The following CACNA2D1 variants were observed in gnomAD, a reference collection of about 807,000 sequenced individuals.
The protein encoded by CACNA2D1 is calcium voltage-gated channel auxiliary subunit alpha2delta 1, also known as voltage-dependent calcium channel subunit alpha-2/delta-1.
CACNA2D1 carries 53 observed loss-of-function variants against 171.5 expected under a neutral mutation model. The ratio of observed to expected loss-of-function variants is 0.31; its 90% confidence interval spans 0.25 to 0.39. The LOEUF (loss-of-function observed/expected upper bound fraction) is 0.39, where lower values mean the gene tolerates loss of function less well. Among genes scored for constraint, CACNA2D1 ranks in the 10% least tolerant of loss-of-function variants. CACNA2D1 has a pLI of 1.00. For synonymous variants in CACNA2D1, 442 were observed against 443.1 expected (o/e 1.00, Z 0.03); for missense variants, 903 against 1,299.8 (o/e 0.69, Z 4.69).
chr7:82,246,758 A>G (rs892157516), intron 3 of CACNA2D1, among the ~76,000 whole-genome samples: 1 of 152,236 alleles, frequency 6.6e-6, no homozygotes, highest in African/African-American at 2.4e-5. Flanking sequence ...ATGAAAATAA[A>G]AAACTATATT....
intron 3 of CACNA2D1, among the ~76,000 whole-genome samples, chr7:82,325,446 C>G (rs949996425): frequency 2.0e-5 from 3 of 151,774 alleles, no homozygotes; most frequent in African/African-American, 7.2e-5. Context: ...ACTATGAGAG[C>G]CCAGTAGAGC....
intron 1 of CACNA2D1, among the ~76,000 whole-genome samples, chr7:82,409,562 C>A (rs1827421347): frequency 6.6e-6 from 1 of 152,134 alleles, no homozygotes; most frequent in South Asian, 2.1e-4. Flanking sequence ...AATACCAATG[C>A]CAGGCCAATT....
At position 82,204,939 on chromosome 7, in the gene CACNA2D1, T is replaced by C. The variant is rs537737639; in HGVS notation, c.295-34330A>G. 1.3e-3 allele frequency among the ~76,000 whole-genome samples: 197 copies of C among 152,320 alleles called. 1 individual carries two copies. The highest frequency in any genetic ancestry group is 4.6e-3 in the African/African-American group (190 of 41,576). On this transcript the variant is annotated intron_variant, in intron 3 of 38. Coordinates refer to ENST00000356860, the MANE Select transcript of CACNA2D1 (RefSeq NM_000722.4). ...CACAACTCCACTCATTATGTAACCA[T>C]GCCACGTGAGGTGCATTAGGTGATC... is the stretch of plus-strand genomic sequence containing the variant.
chr7:82,292,961 A>T (rs1012912318), intron 3 of CACNA2D1, among the ~76,000 whole-genome samples: 2 of 152,102 alleles, frequency 1.3e-5, no homozygotes, highest in African/African-American at 2.4e-5. Flanking sequence ...CACATTAAAA[A>T]ATAATTTCTT....
intron 10 of CACNA2D1, among the ~76,000 whole-genome samples, chr7:82,056,764 A>G (rs1228220719): frequency 6.6e-6 from 1 of 152,208 alleles, no homozygotes; most frequent in Non-Finnish European, 1.5e-5. Context: ...TATTATGGAT[A>G]CAAATTCCAG....
chr7:82,288,940 G>A (rs936608039), intron 3 of CACNA2D1, among the ~76,000 whole-genome samples: 1 of 152,154 alleles, frequency 6.6e-6, no homozygotes, highest in Non-Finnish European at 1.5e-5. Flanking sequence ...GCTCCCTGCT[G>A]TAATGAACGC....
chr7:82,050,000 T>G (rs1383316270), intron 10 of CACNA2D1, among the ~76,000 whole-genome samples: 1 of 152,174 alleles, frequency 6.6e-6, no homozygotes, highest in Non-Finnish European at 1.5e-5. Flanking sequence ...GTTCAAATTG[T>G]GCAGCAATTT....
chr7:81,999,955 G>A (rs1447726512), intron 18 of CACNA2D1, among the ~76,000 whole-genome samples: 1 of 152,064 alleles, frequency 6.6e-6, no homozygotes, highest in Non-Finnish European at 1.5e-5. Flanking sequence ...AGACCTCCAT[G>A]GGGAGCTTTA....
chr7:82,002,763 A>G (rs1443981710), intron 18 of CACNA2D1, among the ~76,000 whole-genome samples: 1 of 152,182 alleles, frequency 6.6e-6, no homozygotes, highest in Non-Finnish European at 1.5e-5. Context: ...AAATGTGGTC[A>G]TGCTGGTAAA....
chr7:81,991,184 C>T lies in CACNA2D1; in HGVS notation c.1796+1G>A. 7.4e-7 allele frequency: 1 copy of T among 1,359,728 alleles called. No homozygotes were observed. 84.2% of individuals were successfully genotyped at this position (1,359,728 alleles called of 1,614,324 possible). On this transcript the variant is annotated splice_donor_variant, in intron 21 of 38. Coordinates refer to ENST00000356860, the MANE Select transcript of CACNA2D1 (RefSeq NM_000722.4). LOFTEE classifies it high-confidence loss of function. ...AATACACATAAAATACAGTTAATTA[C>T]CTGTAATCTGTGCCATTGACAGGTG... is the stretch of plus-strand genomic sequence containing the variant.
At chr7:82,296,098 G>A (rs1402824643) in intron 3 of CACNA2D1, among the ~76,000 whole-genome samples, 2 of 151,158 alleles carry the variant, frequency 1.3e-5, no homozygotes, top group African/African-American at 4.9e-5. Flanking sequence ...ATCACACTCT[G>A]GGGACTGTTG....
At chr7:82,284,170 C>T (rs1810476497) in intron 3 of CACNA2D1, among the ~76,000 whole-genome samples, 1 of 130,774 alleles carries the variant, frequency 7.6e-6, no homozygotes, top group South Asian at 2.4e-4. Flanking sequence ...CCAGCCTGGG[C>T]AACATAAGAG....
chr7:82,345,681 AGTGTGTGTGT>A (rs3054696), intron 2 of CACNA2D1, among the ~76,000 whole-genome samples: 30 of 146,440 alleles, frequency 2.0e-4, no homozygotes, highest in South Asian at 6.7e-4. Flanking sequence ...TAGCTAAAGG[AGTGTGTGTGT>A]GTGTGTGTGT....
At chr7:82,225,671 T>C (rs1802282484) in intron 3 of CACNA2D1, among the ~76,000 whole-genome samples, 1 of 152,034 alleles carries the variant, frequency 6.6e-6, no homozygotes, top group African/African-American at 2.4e-5. Context: ...CCAAGACTTT[T>C]CTTTTTGGGA....
rs971332278 is a variant in CACNA2D1 at position 82,363,369 on chromosome 7, A to C, written c.96-13720T>G. Among the ~76,000 whole-genome samples, 16 of 134,840 alleles carry C rather than the reference A, an allele frequency of 1.2e-4. No homozygotes were observed. The Admixed American group carries it at 1.2e-3, about 10-fold the overall frequency. The allele number at this position is 134,840 out of a possible 152,430, so 88.5% of individuals were successfully genotyped here. On this transcript the variant is annotated intron_variant, in intron 1 of 38. Coordinates refer to ENST00000356860, the MANE Select transcript of CACNA2D1 (RefSeq NM_000722.4). ...AAGCTCCACCTCCCAGGTTCATGCTATTCTCCTGCCTCAGCCTCCCCAGTA... is the reference window on the plus strand; with the variant it reads ...AAGCTCCACCTCCCAGGTTCATGCTCTTCTCCTGCCTCAGCCTCCCCAGTA...
At chr7:82,350,475 C>T (rs943524088) in intron 1 of CACNA2D1, among the ~76,000 whole-genome samples, 1 of 152,084 alleles carries the variant, frequency 6.6e-6, no homozygotes, top group Non-Finnish European at 1.5e-5. Flanking sequence ...ACCATCCTGG[C>T]TAACACGGTG....
At chr7:82,059,795 A>C (rs1584581248) in intron 10 of CACNA2D1, among the ~76,000 whole-genome samples, 1 of 150,944 alleles carries the variant, frequency 6.6e-6, no homozygotes, top group Non-Finnish European at 1.5e-5. Flanking sequence ...GCACATATAC[A>C]CCATGGAATA....
At chr7:82,329,139 C>A (rs1816986050) in intron 3 of CACNA2D1, among the ~76,000 whole-genome samples, 1 of 151,780 alleles carries the variant, frequency 6.6e-6, no homozygotes, top group South Asian at 2.1e-4. Flanking sequence ...AAAAAAAAAA[C>A]TATTTGGTTA....
At chr7:82,186,252 AAGAAAGGAAGG>A (rs1797754966) in intron 3 of CACNA2D1, among the ~76,000 whole-genome samples, 5 of 114,424 alleles carry the variant, frequency 4.4e-5, no homozygotes, top group South Asian at 3.0e-4. Flanking sequence ...GGAAGGAAGG[AAGAAAGGAAGG>A]AAGGAAGGAA....
Sources: allele counts gnomAD v4.1 joint callset (sites outside exome capture counted in the v4.1 genomes callset), GRCh38; gene constraint gnomAD v4.1.1; transcripts MANE v1.5; gene names NCBI Gene and HGNC (gene_info 2026-07-23, HGNC 2026-07-21).